Variants in CCNB2 observed in about 807,000 individuals in gnomAD.
The protein encoded by CCNB2 is G2/mitotic-specific cyclin-B2.
In CCNB2, 39 loss-of-function variants were observed where a neutral mutation model predicts 51.1. That is an observed-to-expected ratio of 0.76 (90% CI 0.59 to 1.00). The LOEUF (loss-of-function observed/expected upper bound fraction) is 1.00. Among genes scored for constraint, CCNB2 ranks in the 50% least tolerant of loss-of-function variants. CCNB2 has a pLI of 0.00. For synonymous variants in CCNB2, 174 were observed against 165.5 expected, an observed-to-expected ratio of 1.05 and a Z score of -0.40; for missense variants, 472 against 470.3, an observed-to-expected ratio of 1.00 and a Z score of -0.03.
chr15:59,106,321 C>A (rs2079235582), intron 1 of CCNB2, among the ~76,000 whole-genome samples: 1 of 152,154 alleles, frequency 6.6e-6, no homozygotes, highest in Non-Finnish European at 1.5e-5. Context: ...CTAAGTCCAA[C>A]TGACAAGTAA....
intron 3 of CCNB2, among the ~76,000 whole-genome samples, chr15:59,113,061 GA>G (rs745591631): frequency 5.3e-5 from 8 of 151,892 alleles, no homozygotes; most frequent in East Asian, 3.9e-4. Context: ...AAAAAGCAAA[GA>G]TTTTTTTATC....
chr15:59,115,604 A>G (rs779790497), intron 5 of CCNB2: 6 of 152,220 alleles, frequency 3.9e-5, no homozygotes, highest in Non-Finnish European at 5.9e-5. Flanking sequence ...GGTCAGGCAC[A>G]AATTCTGTCC....
intron 7 of CCNB2, among the ~76,000 whole-genome samples, chr15:59,122,589 G>C (rs1173884307): frequency 3.4e-5 from 5 of 148,954 alleles, no homozygotes; most frequent in African/African-American, 1.2e-4. Context: ...GCCCAGGCTG[G>C]AGTGCAATGG....
intron 7 of CCNB2, among the ~76,000 whole-genome samples, chr15:59,119,952 C>T (rs1246163869): frequency 4.6e-5 from 7 of 152,174 alleles, no homozygotes; most frequent in East Asian, 1.9e-4. Flanking sequence ...AAGTGATCTT[C>T]TCGCCTTGGC....
In CCNB2 at chr15:59,107,394, A is replaced by G. The variant is rs2079240135; in HGVS notation, c.97A>G (p.Thr33Ala). ...TAAGAGTCATGTGACTATTAGGCGA[A>G]CTGTTTTAGAAGAAATTGGAAATAG... Reference protein sequence around the residue: ...KVKSHVTIRRTVLEEIGNRVT... With the variant: ...KVKSHVTIRRAVLEEIGNRVT... The change falls in exon 2 of 9, where the codon ACT becomes GCT. Residue 33 changes from threonine (T) to alanine (A), a missense_variant. By Grantham distance (58) the Thr-to-Ala change is moderately conservative. Transcript: ENST00000288207. The G allele has an allele frequency of 2.5e-6, 4 of 1,613,964 alleles. No homozygotes were observed. The East Asian group carries it at 8.9e-5, about 36-fold the overall frequency.
chr15:59,105,459 C>A (rs1364983631), intron 1 of CCNB2, among the ~76,000 whole-genome samples, 167 bp downstream of exon 1: 1 of 152,246 alleles, frequency 6.6e-6, no homozygotes, highest in Admixed American at 6.5e-5. Flanking sequence ...CGGTCCTCTC[C>A]GGCCCGCCTT....
At position 59,109,195 on chromosome 15, in the gene CCNB2, T is replaced by G. The variant is rs28383507; in HGVS notation, c.267+1525T>G. ...CCTCCCGAGTAGCTGGGATTACAGGTGCATGCTACCATGCCCAGCTGATTT... is the reference window on the plus strand; with the variant it reads ...CCTCCCGAGTAGCTGGGATTACAGGGGCATGCTACCATGCCCAGCTGATTT... On this transcript the variant is annotated intron_variant, in intron 3 of 8. Transcript: ENST00000288207. Among the ~76,000 whole-genome samples, 1,069 of 152,184 alleles carry G rather than the reference T, an allele frequency of 7.0e-3. 2 individuals carry two copies. The highest frequency in any genetic ancestry group is 0.011 in the Non-Finnish European group (734 of 67,998).
At position 59,105,158 on chromosome 15, in the gene CCNB2, C is replaced by A. The variant is rs754652242; in HGVS notation, c.-111C>A. 3 of 997,776 alleles carry A rather than the reference C, an allele frequency of 3.0e-6. No homozygotes were observed. The highest frequency in any genetic ancestry group is 4.4e-6 in the Non-Finnish European group (3 of 677,858). 61.8% of individuals were successfully genotyped at this position (997,776 alleles called of 1,614,324 possible). A position where few individuals can be genotyped will look rare whatever the true frequency, so the allele number is the denominator to read the frequency against. ...AGGCTACAGCGTCGAAGATCCCCAG[C>A]GCTGCGGGCTCGGAGAGCAGTCCTA... On this transcript the variant is annotated 5_prime_UTR_variant, in exon 1 of 9. Coordinates refer to ENST00000288207, the MANE Select transcript of CCNB2 (RefSeq NM_004701.4).
At chr15:59,121,045 A>G (rs923691060) in intron 7 of CCNB2, 2 of 152,372 alleles carry the variant, frequency 1.3e-5, no homozygotes, top group Admixed American at 1.3e-4. Flanking sequence ...CTTAAAAAAA[A>G]AAAGTCACTG....
chr15:59,111,359 A>T (rs1213910071), intron 3 of CCNB2, among the ~76,000 whole-genome samples: 1 of 152,212 alleles, frequency 6.6e-6, no homozygotes, highest in Non-Finnish European at 1.5e-5. Context: ...ATATGGCTAA[A>T]CTCAGTTGCA....
intron 3 of CCNB2, among the ~76,000 whole-genome samples, chr15:59,110,748 G>A (rs1299446181): frequency 2.0e-5 from 3 of 152,168 alleles, no homozygotes; most frequent in African/African-American, 7.2e-5. Context: ...AAGTGCCCTG[G>A]CTGAGACCTC....
At position 59,114,631 on chromosome 15, in the gene CCNB2, G is replaced by GT; in HGVS notation, c.438+21dup. 1 of 1,586,354 alleles carries GT rather than the reference G, an allele frequency of 6.3e-7. No homozygotes were observed. The highest frequency in any genetic ancestry group is 8.6e-7 in the Non-Finnish European group (1 of 1,162,524). On this transcript the variant is annotated intron_variant, in intron 4 of 8. Coordinates refer to ENST00000288207, the MANE Select transcript of CCNB2 (RefSeq NM_004701.4). ...CAGCTGGAGGTAGGTGGGCCTTTGT[G>GT]TTTTGGTTGTATAAGCAATGTGGAA...
intron 1 of CCNB2, among the ~76,000 whole-genome samples, chr15:59,106,687 T>C (rs2079236909): frequency 6.6e-6 from 1 of 152,218 alleles, no homozygotes; most frequent in African/African-American, 2.4e-5. Flanking sequence ...TAAAACTATA[T>C]TACTCAAGAA....
chr15:59,117,505 G>T, intron 7 of CCNB2, 137 bp downstream of exon 7: 2 of 878,840 alleles, frequency 2.3e-6, no homozygotes, highest in Non-Finnish European at 3.5e-6. Flanking sequence ...GTCTCATTCT[G>T]TCACGTAGGC....
chr15:59,111,456 T>C (rs2079256926), intron 3 of CCNB2, among the ~76,000 whole-genome samples: 1 of 152,238 alleles, frequency 6.6e-6, no homozygotes, highest in Non-Finnish European at 1.5e-5. Flanking sequence ...TTTTTGTTAT[T>C]GACTGCCCTT....
rs537405080 is a variant in CCNB2, at chr15:59,123,628, G to C, written c.1086+1G>C. On this transcript the variant is annotated splice_donor_variant, in intron 8 of 8. Coordinates refer to ENST00000288207, the MANE Select transcript of CCNB2 (RefSeq NM_004701.4). LOFTEE classifies it high-confidence loss of function. Reference sequence around the variant, plus strand: ...AAATGAAAACTTAACTAAATTCATCGTAAGTACTACTGTTTTCTTAAGCTG... The same window carrying C: ...AAATGAAAACTTAACTAAATTCATCCTAAGTACTACTGTTTTCTTAAGCTG... 24 of 1,527,104 alleles carry C rather than the reference G, an allele frequency of 1.6e-5. No individual in the cohort carries two copies. Among genetic ancestry groups the C allele is most frequent in the Non-Finnish European group, 2.1e-5 (24 of 1,119,018 alleles). The allele number at this position is 1,527,104 out of a possible 1,614,324, so 94.6% of individuals were successfully genotyped here.
intron 2 of CCNB2, 48 bp from the exon 3 acceptor site, chr15:59,107,509 C>G (rs921961093): frequency 6.2e-7 from 1 of 1,613,290 alleles, no homozygotes; most frequent in Non-Finnish European, 8.5e-7. Flanking sequence ...GTGCTGAGTC[C>G]CACAACGCTG....
intron 7 of CCNB2, among the ~76,000 whole-genome samples, chr15:59,119,338 G>C (rs1805694698): frequency 6.6e-6 from 1 of 151,834 alleles, no homozygotes; most frequent in Non-Finnish European, 1.5e-5. Flanking sequence ...GCACACACCT[G>C]TAGTCCTAGT....
In CCNB2 at chr15:59,114,740, AT is replaced by A; in HGVS notation, c.464del (p.Phe155SerfsTer2). On this transcript the variant is annotated frameshift_variant, in exon 5 of 9. Transcript: ENST00000288207. LOFTEE classifies it high-confidence loss of function. ...CAGGTTTTGCAGTCCATAAACCCAC[AT>A]TTCTTAGATGGAAGAGATATAAATG... is the stretch of plus-strand genomic sequence containing the variant. ...QLEVLQSINPHFLDGRDINGR... is the reference protein window; with the variant it reads ...QLEVLQSINPXFLDGRDINGR... 8 of 1,612,414 alleles carry A rather than the reference AT, an allele frequency of 5.0e-6. No individual in the cohort carries two copies. Among genetic ancestry groups the A allele is most frequent in the Non-Finnish European group, 6.8e-6 (8 of 1,178,636 alleles).
Sources: gnomAD v4.1 joint callset for allele counts (sites outside exome capture counted in the v4.1 genomes callset) on GRCh38, gnomAD v4.1.1 for gene constraint, MANE v1.5 for transcripts, NCBI Gene and HGNC (gene_info 2026-07-23, HGNC 2026-07-21) for gene names.